Variants in TRPV1 observed in about 807,000 individuals in gnomAD.
TRPV1 encodes the protein transient receptor potential cation channel subfamily V member 1.
Under a neutral mutation model 82.3 loss-of-function variants are expected in TRPV1, and 82 were observed. That is an observed-to-expected ratio of 1.00 (90% confidence interval 0.83 to 1.20). The LOEUF is 1.20. Ranked by LOEUF, TRPV1 falls within the 50% of genes most tolerant of loss-of-function variation. The pLI is 0.00. For synonymous variants in TRPV1, 515 were observed against 467.7 expected (o/e 1.10, Z -1.30); for missense variants, 1,067 against 1,096.8 (o/e 0.97, Z 0.38).
intron 14 of TRPV1, among the ~76,000 whole-genome samples, chr17:3,573,409 T>G (rs1048811918): frequency 5.3e-5 from 8 of 151,898 alleles, no homozygotes; most frequent in African/African-American, 1.9e-4. Flanking sequence ...CTGAGGGAGG[T>G]GCTGAGGCTG....
Position 3,577,670 on chromosome 17 carries a change from C to G in TRPV1, c.1641G>C (p.Leu547Phe), listed in dbSNP as rs919749928. Reference protein sequence around the residue: ...YVASMVFSLALGWTNMLYYTR... With the variant: ...YVASMVFSLAFGWTNMLYYTR... ...TGTAGTAGAGCATGTTGGTCCAGCC[C>G]AAGGCCAGGGAGAATACCATGGAAG... is the stretch of plus-strand genomic sequence containing the variant. The change falls in exon 12 of 17, where the codon TTG becomes TTC. Residue 547 changes from leucine to phenylalanine, a missense_variant. Leu to Phe is a conservative substitution (Grantham distance 22). Coordinates refer to ENST00000572705, the MANE Select transcript of TRPV1 (RefSeq NM_080704.4). 8 of 1,588,148 alleles carry G rather than the reference C, an allele frequency of 5.0e-6. No homozygotes were observed. The highest frequency in any genetic ancestry group is 6.9e-6 in the Non-Finnish European group (8 of 1,167,650).
rs2075322326 is a variant in TRPV1 at position 3,609,350 on chromosome 17, A to AGAGAGAGAGAGAGAGAGAG, written c.-215_-214insCTCTCTCTCTCTCTCTCTC. 2 of 148,736 alleles carry AGAGAGAGAGAGAGAGAGAG rather than the reference A, an allele frequency of 1.3e-5. No individual in the cohort carries two copies. Among genetic ancestry groups the AGAGAGAGAGAGAGAGAGAG allele is most frequent in the African/African-American group, 2.5e-5 (1 of 40,714 alleles). 9.2% of individuals were successfully genotyped at this position (148,736 alleles called of 1,614,324 possible). A position where few individuals can be genotyped will look rare whatever the true frequency, so the allele number is the denominator to read the frequency against. On this transcript the variant is annotated 5_prime_UTR_variant, in exon 1 of 17. Coordinates refer to ENST00000572705, the MANE Select transcript of TRPV1 (RefSeq NM_080704.4). ...GAGAGAGAGAGAGAGAGAGAGAGAG[A>AGAGAGAGAGAGAGAGAGAG]ATACGACTGCTTCCCAAACTCGTGG...
chr17:3,570,651 T>G (rs11655540), intron 16 of TRPV1, among the ~76,000 whole-genome samples: 42,656 of 152,088 alleles, frequency 0.28, 6,221 homozygotes, highest in Non-Finnish European at 0.32. Flanking sequence ...TGTTTTCTAT[T>G]AAATGTTTAC....
Position 3,566,982 on chromosome 17 carries a change from C to T in TRPV1, c.2353G>A (p.Gly785Ser). The T allele has an allele frequency of 6.2e-7, 1 of 1,613,782 alleles. No homozygotes were observed. Among genetic ancestry groups the T allele is most frequent in the Non-Finnish European group, 8.5e-7 (1 of 1,179,808 alleles). The change falls in exon 17 of 17, where the codon GGC becomes AGC. Residue 785 changes from glycine to serine, a missense_variant. Gly to Ser is a moderately conservative substitution (Grantham distance 56, BLOSUM62 0). Coordinates refer to ENST00000572705, the MANE Select transcript of TRPV1 (RefSeq NM_080704.4). ...SFSLRSSRVS[G>S]RHWKNFALVP... ...AGGGCAAAGTTCTTCCAGTGTCTGC[C>T]TGAAACTGAAGGGTAACACTATTAC...
chr17:3,584,569 G>A (rs2150841335), intron 9 of TRPV1, among the ~76,000 whole-genome samples: 1 of 152,282 alleles, frequency 6.6e-6, no homozygotes, highest in South Asian at 2.1e-4. Flanking sequence ...GGCCGAGGCA[G>A]GCGATCACTT....
At chr17:3,571,983 C>G (rs2074859839) in intron 15 of TRPV1, 139 bp downstream of exon 15, 1 of 1,159,470 alleles carries the variant, frequency 8.6e-7, no homozygotes. Context: ...CTCAGGACGG[C>G]CCCAATCCCT....
chr17:3,595,204 C>T (rs773534334), intron 2 of TRPV1, among the ~76,000 whole-genome samples: 2 of 152,174 alleles, frequency 1.3e-5, no homozygotes, highest in Non-Finnish European at 2.9e-5. Flanking sequence ...TCAGGACTCG[C>T]ATTCCTTCAC....
At chr17:3,569,573 G>A (rs969169961) in intron 16 of TRPV1, among the ~76,000 whole-genome samples, 1 of 152,240 alleles carries the variant, frequency 6.6e-6, no homozygotes, top group African/African-American at 2.4e-5. Flanking sequence ...GCATGGAATT[G>A]CCTTTGAGTT....
intron 13 of TRPV1, among the ~76,000 whole-genome samples, chr17:3,576,668 A>AAAAAAATATATATATAT: frequency 2.1e-4 from 8 of 38,414 alleles, no homozygotes; most frequent in Admixed American, 4.5e-4. Flanking sequence ...AAAAAAAAAA[A>AAAAAAATATATATATAT]ATATATATAT....
chr17:3,577,652 G>C lies in TRPV1; in HGVS notation c.1659C>G (p.Leu553=). The change falls in exon 12 of 17, where the codon CTC becomes CTG. Residue 553 remains leucine (L), a synonymous_variant. Coordinates refer to ENST00000572705, the MANE Select transcript of TRPV1 (RefSeq NM_080704.4). ...TCTGCTGGAAACCGCGGGTGTAGTAGAGCATGTTGGTCCAGCCCAAGGCCA... is the reference window on the plus strand; with the variant it reads ...TCTGCTGGAAACCGCGGGTGTAGTACAGCATGTTGGTCCAGCCCAAGGCCA... ...FSLALGWTNM[L]YYTRGFQQMG... is the part of the protein sequence containing the mutation. 1 of 1,586,384 alleles carries C rather than the reference G, an allele frequency of 6.3e-7. No homozygotes were observed. Among genetic ancestry groups the C allele is most frequent in the Non-Finnish European group, 8.6e-7 (1 of 1,166,730 alleles).
intron 7 of TRPV1, among the ~76,000 whole-genome samples, chr17:3,589,278 C>G (rs2075123734): frequency 6.7e-6 from 1 of 148,202 alleles, no homozygotes; most frequent in East Asian, 2.0e-4. Context: ...AAAATCTTGG[C>G]TCACTGCCAC....
chr17:3,573,890 AC>A lies in TRPV1; in HGVS notation c.1845del (p.Arg615SerfsTer54), dbSNP rs755228493. On this transcript the variant is annotated frameshift_variant, in exon 14 of 17. Transcript: ENST00000572705. LOFTEE classifies it high-confidence loss of function. Reference sequence around the variant, plus strand: ...GGGGGCCTGCAGGCAGGCCCCCGCCACCTGTGCGACGTGGACTCAGACGGCA... The same window carrying A: ...GGGGGCCTGCAGGCAGGCCCCCGCCACTGTGCGACGTGGACTCAGACGGCA... ...DSLPSESTSH[R>X]WRGPACRPPD... The A allele has an allele frequency of 6.2e-7, 1 of 1,611,310 alleles. No individual in the cohort carries two copies. Among genetic ancestry groups the A allele is most frequent in the East Asian group, 2.2e-5 (1 of 44,834 alleles).
chr17:3,587,761 C>G (rs961041495), intron 8 of TRPV1, among the ~76,000 whole-genome samples: 1 of 150,578 alleles, frequency 6.6e-6, no homozygotes, highest in African/African-American at 2.4e-5. Flanking sequence ...TGCAGTGAGC[C>G]GGGATGGCAC....
chr17:3,600,583 C>T (rs1291091920), intron 2 of TRPV1, among the ~76,000 whole-genome samples: 1 of 150,810 alleles, frequency 6.6e-6, no homozygotes, highest in Non-Finnish European at 1.5e-5. Flanking sequence ...AGCGAGACTC[C>T]ATTTAAAAAA....
At chr17:3,607,053 A>C (rs1202325608) in intron 2 of TRPV1, among the ~76,000 whole-genome samples, 1 of 152,102 alleles carries the variant, frequency 6.6e-6, no homozygotes, top group Admixed American at 6.5e-5. Context: ...CTGAAAGAAA[A>C]ATTACAGTAG....
chr17:3,581,222 C>G (rs2075005367), intron 10 of TRPV1, among the ~76,000 whole-genome samples: 1 of 152,062 alleles, frequency 6.6e-6, no homozygotes, highest in Non-Finnish European at 1.5e-5. Context: ...GCCTCAGCCT[C>G]CCAAGTAGCT....
intron 16 of TRPV1, among the ~76,000 whole-genome samples, chr17:3,569,404 G>A (rs1198449551): frequency 6.6e-6 from 1 of 152,178 alleles, no homozygotes; most frequent in Non-Finnish European, 1.5e-5. Context: ...TCCAGCCTGG[G>A]CAACACAGCA....
At chr17:3,601,281 C>G (rs1428207308) in intron 2 of TRPV1, among the ~76,000 whole-genome samples, 2 of 152,048 alleles carry the variant, frequency 1.3e-5, no homozygotes, top group African/African-American at 4.8e-5. Flanking sequence ...TCCAACCTCC[C>G]ACAACCCCTC....
At chr17:3,568,522 A>G (rs969778366) in intron 16 of TRPV1, among the ~76,000 whole-genome samples, 8 of 152,052 alleles carry the variant, frequency 5.3e-5, no homozygotes, top group African/African-American at 1.9e-4. Context: ...GGAAAAACCA[A>G]TGGAACCCTC....
Sources: allele counts gnomAD v4.1 joint callset (sites outside exome capture counted in the v4.1 genomes callset), GRCh38; gene constraint gnomAD v4.1.1; transcripts MANE v1.5; gene names NCBI Gene and HGNC (gene_info 2026-07-23, HGNC 2026-07-21).